PDE4D: variants seen among roughly 807,000 people sequenced by gnomAD.
PDE4D encodes 3',5'-cyclic-AMP phosphodiesterase 4D.
PDE4D carries 24 observed loss-of-function variants against 87.4 expected under a neutral mutation model. The ratio of observed to expected loss-of-function variants is 0.27; its 90% confidence interval spans 0.20 to 0.39. The LOEUF (loss-of-function observed/expected upper bound fraction) is 0.39. PDE4D is among the 10% of genes least tolerant of loss of function. The probability of loss-of-function intolerance (pLI) is 1.00; values close to 1 mark genes in which losing one functional copy is unlikely to be tolerated. For missense variants in PDE4D, 714 were observed against 1,041.0 expected, an observed-to-expected ratio of 0.69 and a Z score of 4.32; for synonymous variants, 384 against 383.2, an observed-to-expected ratio of 1.00 and a Z score of -0.02.
At position 59,598,833 on chromosome 5, in the gene PDE4D, C is replaced by A. The variant is rs139708223; in HGVS notation, c.455+294335G>T. On this transcript the variant is annotated intron_variant, in intron 1 of 14. Transcript: ENST00000340635. The stretch of plus-strand genomic sequence containing the variant: ...GTGGCTCACACATGTAATCCCGGTG[C>A]TTTGCAAGGCTGAGGCAAGAGGATC... Among the ~76,000 whole-genome samples, 151 of 152,264 alleles carry A rather than the reference C, an allele frequency of 9.9e-4. 1 individual carries two copies. The highest frequency in any genetic ancestry group is 3.5e-3 in the African/African-American group (146 of 41,568).
chr5:59,189,395 A>G (rs1440443557), intron 3 of PDE4D, among the ~76,000 whole-genome samples: 2 of 151,696 alleles, frequency 1.3e-5, no homozygotes, highest in Non-Finnish European at 2.9e-5. Context: ...ATATCTCCTT[A>G]GTCTGAATGA....
At chr5:59,448,222 A>T (rs577460086) in intron 1 of PDE4D, among the ~76,000 whole-genome samples, 1 of 152,316 alleles carries the variant, frequency 6.6e-6, no homozygotes, top group South Asian at 2.1e-4. Context: ...GGTTTTTGAC[A>T]ATAAGCTTTA....
Position 59,428,241 on chromosome 5 carries a change from C to T in PDE4D, c.456-212273G>A, listed in dbSNP as rs182698465. 6.6e-5 allele frequency among the ~76,000 whole-genome samples: 10 copies of T among 152,266 alleles called. No homozygotes were observed. In the East Asian group the frequency reaches 1.4e-3, roughly 21 times the overall value. ...TATAAGGATATACTTAGCTTTAAATCGAGCTATGTTTTGCACTTATGCATT... is the reference window on the plus strand; with the variant it reads ...TATAAGGATATACTTAGCTTTAAATTGAGCTATGTTTTGCACTTATGCATT... On this transcript the variant is annotated intron_variant, in intron 1 of 14. Transcript: ENST00000340635.
chr5:59,880,035 G>A (rs1303079644), intron 1 of PDE4D, among the ~76,000 whole-genome samples: 1 of 152,090 alleles, frequency 6.6e-6, no homozygotes, highest in Non-Finnish European at 1.5e-5. Flanking sequence ...CACTGCTCCT[G>A]GCCTGTTATT....
At position 59,813,471 on chromosome 5, in the gene PDE4D, C is replaced by G. The variant is rs576691828; in HGVS notation, c.455+79697G>C. On this transcript the variant is annotated intron_variant, in intron 1 of 14. Coordinates refer to ENST00000340635, the MANE Select transcript of PDE4D (RefSeq NM_001104631.2). The stretch of plus-strand genomic sequence containing the variant: ...ACACACACACACACACACACACACA[C>G]ACACACACACATATGCCTGTCATTG... Among the ~76,000 whole-genome samples, 4 of 145,712 alleles carry G rather than the reference C, an allele frequency of 2.7e-5. No individual in the cohort carries two copies. The South Asian group carries it at 6.8e-4, about 25-fold the overall frequency.
At chr5:60,505,524 C>T (rs182295275) in intron 1 of PDE4D, among the ~76,000 whole-genome samples, 107 of 152,270 alleles carry the variant, frequency 7.0e-4, no homozygotes, top group African/African-American at 2.4e-3. Context: ...ATAATACAGC[C>T]ACGGGACTTG....
intron 1 of PDE4D, among the ~76,000 whole-genome samples, chr5:60,222,599 T>G (rs183112298): frequency 6.6e-6 from 1 of 152,292 alleles, no homozygotes; most frequent in African/African-American, 2.4e-5. Flanking sequence ...CCATTTCCAT[T>G]ACCAGAGTTA....
chr5:59,482,327 T>C (rs907312699), intron 1 of PDE4D, among the ~76,000 whole-genome samples: 7 of 152,316 alleles, frequency 4.6e-5, no homozygotes, highest in African/African-American at 1.7e-4. Flanking sequence ...TTAACCATTG[T>C]CTACTGGTCT....
At position 60,337,364 on chromosome 5, in the gene PDE4D, T is replaced by A. The variant is rs1396415296; in HGVS notation, c.-90+150578A>T. On this transcript the variant is annotated intron_variant, in intron 1 of 16. Coordinates refer to the PDE4D transcript ENST00000502484. ...CAAACAAACAAACTATATATATATA[T>A]ATATATATATATATATATATATATA... Among the ~76,000 whole-genome samples, 494 of 109,086 alleles carry A rather than the reference T, an allele frequency of 4.5e-3. 18 individuals are homozygous for A. Among genetic ancestry groups the A allele is most frequent in the Non-Finnish European group, 4.6e-3 (253 of 54,650 alleles). The allele number at this position is 109,086 out of a possible 152,430, so 71.6% of individuals were successfully genotyped here.
intron 2 of PDE4D, among the ~76,000 whole-genome samples, chr5:60,151,080 G>T (rs1347540179): frequency 6.6e-6 from 1 of 152,188 alleles, no homozygotes; most frequent in Non-Finnish European, 1.5e-5. Context: ...ATAACACACT[G>T]ATTATTTGAT....
intron 1 of PDE4D, among the ~76,000 whole-genome samples, chr5:60,321,344 A>T (rs73106737): frequency 0.088 from 13,410 of 152,098 alleles, 1,946 homozygotes; most frequent in African/African-American, 0.31. Flanking sequence ...TAACTAGCCA[A>T]ATGCAGATTG....
At chr5:58,988,444 T>A (rs901459744) in intron 11 of PDE4D, 49 bp downstream of exon 11, 1 of 759,658 alleles carries the variant, frequency 1.3e-6, no homozygotes, top group Non-Finnish European at 2.0e-6. Context: ...TTAGTCATTC[T>A]AAAATGTACA....
At chr5:59,197,474 C>A (rs375281270) in intron 2 of PDE4D, among the ~76,000 whole-genome samples, 168 of 152,204 alleles carry the variant, frequency 1.1e-3, no homozygotes, top group Middle Eastern at 3.4e-3. Flanking sequence ...CAGGTTATAG[C>A]CTATCCATTT....
At chr5:60,083,298 AT>A in intron 2 of PDE4D, among the ~76,000 whole-genome samples, 1 of 152,356 alleles carries the variant, frequency 6.6e-6, no homozygotes, top group South Asian at 2.1e-4. Flanking sequence ...CATGAATTAT[AT>A]TAGACAGCAC....
chr5:60,090,919 A>G (rs1775052050), intron 2 of PDE4D, among the ~76,000 whole-genome samples: 3 of 152,170 alleles, frequency 2.0e-5, no homozygotes, highest in Non-Finnish European at 4.4e-5. Context: ...AAGTAATCCC[A>G]TTTACAATAC....
chr5:59,866,132 T>C (rs1244002268), intron 1 of PDE4D, among the ~76,000 whole-genome samples: 3 of 152,270 alleles, frequency 2.0e-5, no homozygotes, highest in African/African-American at 7.2e-5. Flanking sequence ...GTGTCTTGTT[T>C]TTTATAGAAG....
At chr5:58,982,326 A>G (rs759565764) in intron 11 of PDE4D, among the ~76,000 whole-genome samples, 2 of 152,176 alleles carry the variant, frequency 1.3e-5, no homozygotes, top group African/African-American at 4.8e-5. Flanking sequence ...CTAGCTGAGT[A>G]ACTGAGTCTT....
At chr5:60,076,196 T>C (rs1365568018) in intron 2 of PDE4D, among the ~76,000 whole-genome samples, 2 of 152,100 alleles carry the variant, frequency 1.3e-5, no homozygotes. Context: ...TCTCGCTCTG[T>C]TGCCCAGTCT....
intron 2 of PDE4D, among the ~76,000 whole-genome samples, chr5:60,079,071 T>C (rs1029600960): frequency 7.9e-5 from 12 of 152,288 alleles, no homozygotes; most frequent in African/African-American, 2.6e-4. Context: ...TTTTTAATAA[T>C]TGTCGTTCTG....
Sources: allele counts gnomAD v4.1 joint callset (sites outside exome capture counted in the v4.1 genomes callset), GRCh38; gene constraint gnomAD v4.1.1; transcripts MANE v1.5; gene names NCBI Gene and HGNC (gene_info 2026-07-23, HGNC 2026-07-21).